The following SH3GL2 variants were observed in gnomAD, a reference collection of about 807,000 sequenced individuals.
SH3GL2 encodes SH3 domain containing GRB2 like 2, endophilin A1, also known as endophilin-A1.
Under a neutral mutation model 46.0 loss-of-function variants are expected in SH3GL2, and 24 were observed. That is an observed-to-expected ratio of 0.52 (90% CI 0.38 to 0.73). The LOEUF (loss-of-function observed/expected upper bound fraction) is 0.73. Ranked by LOEUF, SH3GL2 falls within the 30% of genes least tolerant of loss-of-function variation. The pLI, the probability that SH3GL2 is intolerant of heterozygous loss-of-function variation, is 0.00. For synonymous variants in SH3GL2, 196 were observed against 147.1 expected (o/e 1.33, Z -2.40); for missense variants, 413 against 424.2 (o/e 0.97, Z 0.23).
rs180952608 is a variant in SH3GL2 at position 17,592,409 on chromosome 9, A to G, written c.45+13122A>G. Among the ~76,000 whole-genome samples, 265 of 152,300 alleles carry G rather than the reference A, an allele frequency of 1.7e-3. 1 individual carries two copies. Among genetic ancestry groups the G allele is most frequent in the Admixed American group, 4.9e-3 (75 of 15,304 alleles). ...TTAACCCAGTTAAGTTGACACATAA[A>G]ATTAATCATCACACTGACTTAATTT... is the stretch of plus-strand genomic sequence containing the variant. On this transcript the variant is annotated intron_variant, in intron 1 of 8. Transcript: ENST00000380607.
At chr9:17,760,393 C>T (rs559974904) in intron 2 of SH3GL2, among the ~76,000 whole-genome samples, 2 of 151,934 alleles carry the variant, frequency 1.3e-5, no homozygotes, top group South Asian at 4.2e-4. Context: ...AAGGAGGAGG[C>T]TTACTTTATG....
chr9:17,761,410 T>C, intron 2 of SH3GL2, 27 bp from the exon 3 acceptor site: 3 of 1,478,720 alleles, frequency 2.0e-6, no homozygotes, highest in East Asian at 2.3e-5. Context: ...ATTTTTGTCA[T>C]TTAGAGCACT....
chr9:17,779,495 A>G (rs1039502771), intron 3 of SH3GL2, among the ~76,000 whole-genome samples: 2 of 152,058 alleles, frequency 1.3e-5, no homozygotes, highest in Non-Finnish European at 2.9e-5. Flanking sequence ...TCCTTTCTTT[A>G]TAGATGCAGC....
At chr9:17,605,298 A>G (rs1177984916) in intron 1 of SH3GL2, among the ~76,000 whole-genome samples, 1 of 152,028 alleles carries the variant, frequency 6.6e-6, no homozygotes, top group Non-Finnish European at 1.5e-5. Flanking sequence ...TTTGTTTCCA[A>G]TCCCAGGTAA....
intron 1 of SH3GL2, among the ~76,000 whole-genome samples, chr9:17,647,911 T>TC (rs1819860612): frequency 6.6e-6 from 1 of 152,068 alleles, no homozygotes; most frequent in Non-Finnish European, 1.5e-5. Flanking sequence ...GTGAGGCCAG[T>TC]CCCCCCACCT....
At chr9:17,777,115 G>C (rs1823663280) in intron 3 of SH3GL2, among the ~76,000 whole-genome samples, 1 of 152,104 alleles carries the variant, frequency 6.6e-6, no homozygotes. Flanking sequence ...CATATTCGTT[G>C]GTTGATCTCA....
rs556592926 is a variant in SH3GL2 at position 17,716,940 on chromosome 9, A to G, written c.46-30126A>G. On this transcript the variant is annotated intron_variant, in intron 1 of 8. Coordinates refer to ENST00000380607, the MANE Select transcript of SH3GL2 (RefSeq NM_003026.5). ...TTGTTTCTTATATAGATAGATTCAT[A>G]CATACATATGGTTGATTGGTTGGTT... Among the ~76,000 whole-genome samples the G allele has an allele frequency of 5.6e-4, 86 of 152,250 alleles. 2 individuals are homozygous for G. The highest frequency in any genetic ancestry group is 2.0e-3 in the African/African-American group (84 of 41,574).
At chr9:17,776,244 A>G (rs962147330) in intron 3 of SH3GL2, among the ~76,000 whole-genome samples, 4 of 152,092 alleles carry the variant, frequency 2.6e-5, no homozygotes, top group African/African-American at 9.7e-5. Flanking sequence ...CTCATTTGTG[A>G]TAAACCTTGA....
intron 1 of SH3GL2, among the ~76,000 whole-genome samples, chr9:17,588,628 G>T (rs1228192934): frequency 6.6e-6 from 1 of 152,170 alleles, no homozygotes; most frequent in Non-Finnish European, 1.5e-5. Flanking sequence ...TAGACCCACA[G>T]CCTTGAAGAA....
intron 3 of SH3GL2, among the ~76,000 whole-genome samples, chr9:17,777,810 A>G (rs986090400): frequency 7.9e-5 from 12 of 152,042 alleles, no homozygotes; most frequent in African/African-American, 2.9e-4. Context: ...TCAAAATACA[A>G]TTACATTGGG....
chr9:17,747,227 C>A, intron 2 of SH3GL2, 93 bp downstream of exon 2: 1 of 709,878 alleles, frequency 1.4e-6, no homozygotes, highest in Non-Finnish European at 2.5e-6. Context: ...CAACTGTTTT[C>A]CACTGGTCTC....
chr9:17,633,145 C>G (rs1354187647), intron 1 of SH3GL2, among the ~76,000 whole-genome samples: 2 of 152,172 alleles, frequency 1.3e-5, no homozygotes, highest in Admixed American at 1.3e-4. Flanking sequence ...TCTTGTTTCT[C>G]AAGTGAGTGT....
In SH3GL2 at chr9:17,777,473, C is replaced by G. The variant is rs116293799; in HGVS notation, c.188-8908C>G. ...ATCCCTCCCAAATTCATTTCATTTT[C>G]CCCCGGAACCTCAGAATTTGATCTA... On this transcript the variant is annotated intron_variant, in intron 3 of 8. Coordinates refer to ENST00000380607, the MANE Select transcript of SH3GL2 (RefSeq NM_003026.5). Among the ~76,000 whole-genome samples the G allele has an allele frequency of 9.5e-3, 1,439 of 152,130 alleles. 25 individuals carry two copies. Among genetic ancestry groups the G allele is most frequent in the African/African-American group, 0.032 (1,345 of 41,528 alleles).
rs375918033 is a variant in SH3GL2 at position 17,704,002 on chromosome 9, T to C, written c.46-43064T>C. 7.2e-5 allele frequency among the ~76,000 whole-genome samples: 11 copies of C among 152,184 alleles called. No individual in the cohort carries two copies. In the East Asian group the frequency reaches 1.7e-3, roughly 24 times the overall value. ...GATAGGCAGAGAGGAAGTCAAACTA[T>C]CTGTCTTTGTAGACCATATGGTTCT... On this transcript the variant is annotated intron_variant, in intron 1 of 8. Coordinates refer to ENST00000380607, the MANE Select transcript of SH3GL2 (RefSeq NM_003026.5).
At chr9:17,673,849 C>G (rs554554501) in intron 1 of SH3GL2, among the ~76,000 whole-genome samples, 51 of 152,194 alleles carry the variant, frequency 3.4e-4, no homozygotes, top group African/African-American at 1.1e-3. Flanking sequence ...CCCTTGATTT[C>G]TTTTGCTCAC....
intron 3 of SH3GL2, among the ~76,000 whole-genome samples, chr9:17,764,702 A>C (rs973171270): frequency 1.0e-5 from 1 of 97,136 alleles, no homozygotes; most frequent in Non-Finnish European, 2.2e-5. Flanking sequence ...CATCTTGGGT[A>C]CATGGACAGG....
chr9:17,685,494 G>A (rs1820878875), intron 1 of SH3GL2, among the ~76,000 whole-genome samples: 1 of 152,016 alleles, frequency 6.6e-6, no homozygotes, highest in South Asian at 2.1e-4. Flanking sequence ...GCCTAGCCAG[G>A]TTGACATATA....
At chr9:17,692,734 A>G (rs1040070933) in intron 1 of SH3GL2, among the ~76,000 whole-genome samples, 1 of 152,232 alleles carries the variant, frequency 6.6e-6, no homozygotes, top group Admixed American at 6.5e-5. Context: ...TTATTACTGT[A>G]TTAGTTGGTT....
intron 1 of SH3GL2, among the ~76,000 whole-genome samples, chr9:17,717,719 G>C (rs1203343957): frequency 3.3e-5 from 5 of 152,094 alleles, no homozygotes; most frequent in African/African-American, 1.2e-4. Flanking sequence ...TGCTGGGCAA[G>C]TCATAGGATT....
Sources: allele counts gnomAD v4.1 joint callset (sites outside exome capture counted in the v4.1 genomes callset), GRCh38; gene constraint gnomAD v4.1.1; transcripts MANE v1.5; gene names NCBI Gene and HGNC (gene_info 2026-07-23, HGNC 2026-07-21).